The following PKP3 variants were observed in gnomAD, a reference collection of about 807,000 sequenced individuals.
PKP3 encodes plakophilin 3, also known as plakophilin-3.
PKP3 carries 66 observed loss-of-function variants against 76.5 expected under a neutral mutation model. The observed-to-expected ratio is 0.86, with a 90% CI of 0.71 to 1.06. The LOEUF (loss-of-function observed/expected upper bound fraction) is 1.06, where lower values mean the gene tolerates loss of function less well. PKP3 is among the 50% of genes least tolerant of loss of function. The pLI, the probability that PKP3 is intolerant of heterozygous loss-of-function variation, is 0.00. For missense variants in PKP3, 1,338 were observed against 1,141.0 expected (o/e 1.17, Z -2.49); for synonymous variants, 638 against 516.5 (o/e 1.24, Z -3.19).
In PKP3 at chr11:403,180, C is replaced by T. The variant is rs1847186168; in HGVS notation, c.1840C>T (p.Leu614=). 6.3e-7 allele frequency: 1 copy of T among 1,589,244 alleles called. No homozygotes were observed. Among genetic ancestry groups the T allele is most frequent in the African/African-American group, 1.4e-5 (1 of 74,002 alleles). Residue 614 remains leucine (L), a synonymous_variant, in exon 9 of 13, where the codon CTG becomes TTG. Transcript: ENST00000331563. ...SPQIVGLYNR[L]LQRCELNRHT... ...CCAGATCGTGGGGCTGTACAACCGG[C>T]TGCTGCAGCGCTGCGAGCTCAACCG...
intron 9 of PKP3, 42 bp downstream of exon 9, chr11:403,305 A>T (rs545293829): frequency 2.0e-5 from 27 of 1,368,910 alleles, no homozygotes; most frequent in Non-Finnish European, 2.4e-5. Flanking sequence ...CCAGGGGTTC[A>T]TGCGGTTGAG....
In PKP3 at chr11:404,170, A is replaced by G; in HGVS notation, c.2270+35A>G. On this transcript the variant is annotated intron_variant, in intron 11 of 12. Transcript: ENST00000331563. This position sits in a 1 kb window ranked among gnomAD's most constrained non-coding sequence, Gnocchi z 4.2. ...GACCCAGCCGTGCAGCAGCCTGGTC[A>G]GGGGTCCTCCCAGTCCACCCTGCTT... 1 of 1,607,702 alleles carries G rather than the reference A, an allele frequency of 6.2e-7. No individual in the cohort carries two copies. Among genetic ancestry groups the G allele is most frequent in the Non-Finnish European group, 8.5e-7 (1 of 1,176,064 alleles).
rs72848723 is a variant in PKP3, at chr11:403,725, C to T, written c.2031C>T (p.Gly677=). The change falls in exon 10 of 13, where the codon GGC becomes GGT. Residue 677 remains glycine (G), a synonymous_variant. Transcript: ENST00000331563. ...ADHHQLRSLT[G]LIRNLSRNAR... ...ACCACCAGCTGCGCTCACTGACTGG[C>T]CTCATCCGAAACCTGTCTCGGAACG... The T allele has an allele frequency of 0.015, 24,893 of 1,609,786 alleles. 251 individuals are homozygous for T. Among genetic ancestry groups the T allele is most frequent in the South Asian group, 0.018 (1,600 of 91,084 alleles).
intron 9 of PKP3, 100 bp from the exon 10 acceptor site, chr11:403,516 CCT>C (rs1847194149): frequency 2.5e-6 from 3 of 1,221,132 alleles, no homozygotes; most frequent in African/African-American, 3.0e-5. Flanking sequence ...CAGAGGCCCC[CCT>C]GAGGGTGGCG....
chr11:404,714 C>T lies in PKP3; in HGVS notation c.*145C>T, dbSNP rs986026392. 1 of 695,246 alleles carries T rather than the reference C, an allele frequency of 1.4e-6. No homozygotes were observed. Among genetic ancestry groups the T allele is most frequent in the African/African-American group, 1.8e-5 (1 of 55,476 alleles). The allele number at this position is 695,246 out of a possible 1,614,324, so 43.1% of individuals were successfully genotyped here. A position where few individuals can be genotyped will look rare whatever the true frequency, so the allele number is the denominator to read the frequency against. On this transcript the variant is annotated 3_prime_UTR_variant, in exon 13 of 13. Transcript: ENST00000331563. This position sits in a 1 kb window ranked among gnomAD's most constrained non-coding sequence, Gnocchi z 4.2. Reference sequence around the variant, plus strand: ...GGCCCCTGTGTGCATCTTTGAGGGTCCTGGGCCACCAGGAGGGGCAGGGTC... The same window carrying T: ...GGCCCCTGTGTGCATCTTTGAGGGTTCTGGGCCACCAGGAGGGGCAGGGTC...
chr11:396,940 G>C lies in PKP3; in HGVS notation c.439G>C (p.Gly147Arg), dbSNP rs1380078346. The change falls in exon 3 of 13, where the codon GGG becomes CGG. Residue 147 changes from glycine to arginine, a missense_variant. Gly to Arg is a moderately radical substitution (Grantham distance 125). Coordinates refer to ENST00000331563, the MANE Select transcript of PKP3 (RefSeq NM_007183.4). ...CGGGGGCAGCGCCTTTGGGGCCGCT[G>C]GGTACGGGGGTGCCCAGCCCACCCC... Reference protein sequence around the residue: ...HNGGSAFGAAGYGGAQPTPPM... With the variant: ...HNGGSAFGAARYGGAQPTPPM... 2.5e-6 allele frequency: 4 copies of C among 1,595,130 alleles called. No homozygotes were observed. The Admixed American group carries it at 6.8e-5, about 27-fold the overall frequency.
rs1311876730 is a variant in PKP3 at position 398,026 on chromosome 11, C to T, written c.1068+364C>T. ...ACCTCCATACCCCCACACACACCTG[C>T]GTCACCTCCGTACCCCCGCACACAC... On this transcript the variant is annotated intron_variant, in intron 4 of 12. Transcript: ENST00000331563. Among the ~76,000 whole-genome samples, 6 of 107,728 alleles carry T rather than the reference C, an allele frequency of 5.6e-5. 1 individual carries two copies. The highest frequency in any genetic ancestry group is 5.5e-5 in the Non-Finnish European group (3 of 54,318). The allele number at this position is 107,728 out of a possible 152,430, so 70.7% of individuals were successfully genotyped here.
In PKP3 at chr11:404,399, G is replaced by A. The variant is rs374451468; in HGVS notation, c.2358+76G>A. ...ACGCCGGGGGAGGGTCAGTGAAGAG[G>A]CCCATGGGAGGATGGAGACCAGGGA... On this transcript the variant is annotated intron_variant, in intron 12 of 12. Transcript: ENST00000331563. The surrounding 1 kb of genome is among the most constrained non-coding windows in gnomAD (Gnocchi z 4.2). 468 of 1,472,602 alleles carry A rather than the reference G, an allele frequency of 3.2e-4. 7 individuals carry two copies. In the East Asian group the frequency reaches 6.5e-3, roughly 20 times the overall value. The allele number at this position is 1,472,602 out of a possible 1,614,324, so 91.2% of individuals were successfully genotyped here. A position where few individuals can be genotyped will look rare whatever the true frequency, so the allele number is the denominator to read the frequency against.
Position 403,605 on chromosome 11 carries a change from T to C in PKP3, c.1924-13T>C, listed in dbSNP as rs1168110219. The C allele has an allele frequency of 6.3e-6, 10 of 1,599,420 alleles. No individual in the cohort carries two copies. The highest frequency in any genetic ancestry group is 5.1e-6 in the Non-Finnish European group (6 of 1,178,090). On this transcript the variant is annotated splice_polypyrimidine_tract_variant and intron_variant, in intron 9 of 12. Transcript: ENST00000331563. ...GGCCTCCGGGTCACGGCTCACACCC[T>C]CCCTCCCCACAGTGGGCGGGGGTGC...
chr11:403,394 G>C, intron 9 of PKP3, 131 bp downstream of exon 9: 1 of 874,880 alleles, frequency 1.1e-6, no homozygotes, highest in Non-Finnish European at 1.7e-6. Context: ...TCAGCGTCCC[G>C]GTGGCGCAGG....
At chr11:400,229 C>T (rs1483522202) in intron 6 of PKP3, 88 bp downstream of exon 6, 64 of 1,407,058 alleles carry the variant, frequency 4.5e-5, no homozygotes, top group Middle Eastern at 2.5e-4. Flanking sequence ...AGCCCACACA[C>T]CGCACGCCTC....
chr11:403,193 G>A lies in PKP3; in HGVS notation c.1853G>A (p.Cys618Tyr). ...VGLYNRLLQR[C>Y]ELNRHTTEAA... ...CTGTACAACCGGCTGCTGCAGCGCT[G>A]CGAGCTCAACCGGCACACGACGGAG... The change falls in exon 9 of 13, where the codon TGC becomes TAC. Residue 618 changes from cysteine to tyrosine, a missense_variant. Transcript: ENST00000331563. 2 of 1,590,598 alleles carry A rather than the reference G, an allele frequency of 1.3e-6. No homozygotes were observed. Among genetic ancestry groups the A allele is most frequent in the Non-Finnish European group, 1.7e-6 (2 of 1,170,524 alleles).
intron 1 of PKP3, among the ~76,000 whole-genome samples, chr11:395,373 A>AG (rs967028015): frequency 6.6e-6 from 1 of 152,146 alleles, no homozygotes; most frequent in Non-Finnish European, 1.5e-5. Context: ...GCCACTGGCC[A>AG]GGGGGAAGTG....
rs372151717 is a variant in PKP3, at chr11:398,849, C to T, written c.1069-143C>T. 244 of 678,062 alleles carry T rather than the reference C, an allele frequency of 3.6e-4. 2 individuals are homozygous for T. Among genetic ancestry groups the T allele is most frequent in the African/African-American group, 3.4e-3 (185 of 54,864 alleles). 42.0% of individuals were successfully genotyped at this position (678,062 alleles called of 1,614,324 possible). A position where few individuals can be genotyped will look rare whatever the true frequency, so the allele number is the denominator to read the frequency against. ...GCACACACCTCCGTCACCTCCCTACCGCCGCACACACCTCCGTCACCTCCC... is the reference window on the plus strand; with the variant it reads ...GCACACACCTCCGTCACCTCCCTACTGCCGCACACACCTCCGTCACCTCCC... On this transcript the variant is annotated intron_variant, in intron 4 of 12. Coordinates refer to ENST00000331563, the MANE Select transcript of PKP3 (RefSeq NM_007183.4).
At chr11:403,487 TGG>T in intron 9 of PKP3, 129 bp from the exon 10 acceptor site, 1 of 942,648 alleles carries the variant, frequency 1.1e-6, no homozygotes, top group Non-Finnish European at 1.6e-6. Context: ...TCCCCCCGGC[TGG>T]GGGGCAAAGG....
Position 400,455 on chromosome 11 carries a change from A to C in PKP3, c.1566+4A>C. The C allele has an allele frequency of 1.3e-6, 2 of 1,541,032 alleles. No individual in the cohort carries two copies. Among genetic ancestry groups the C allele is most frequent in the Non-Finnish European group, 1.7e-6 (2 of 1,142,942 alleles). On this transcript the variant is annotated splice_donor_region_variant and intron_variant, in intron 7 of 12. Coordinates refer to ENST00000331563, the MANE Select transcript of PKP3 (RefSeq NM_007183.4). ...CGCGGGCAAATGCGAGGACAAGGTGAGGGGCGCGGTGTGGAGGAGGGGCCG... is the reference window on the plus strand; with the variant it reads ...CGCGGGCAAATGCGAGGACAAGGTGCGGGGCGCGGTGTGGAGGAGGGGCCG...
At chr11:398,776 C>CCGTCACCTCCGTACCCCCGCACACACCTG (rs1564879890) in intron 4 of PKP3, among the ~76,000 whole-genome samples, 1 of 68,352 alleles carries the variant, frequency 1.5e-5, no homozygotes, top group East Asian at 5.1e-4. Flanking sequence ...GCACACACCT[C>CCGTCACCTCCGTACCCCCGCACACACCTG]CGTCACCTCC....
chr11:404,378 C>CG lies in PKP3; in HGVS notation c.2358+60dup, dbSNP rs770941039. Reference sequence around the variant, plus strand: ...GACCCGGGTGCAGGGCATGGGACGCCGGGGGAGGGTCAGTGAAGAGGCCCA... The same window carrying CG: ...GACCCGGGTGCAGGGCATGGGACGCCGGGGGGAGGGTCAGTGAAGAGGCCCA... On this transcript the variant is annotated intron_variant, in intron 12 of 12. Transcript: ENST00000331563. This position sits in a 1 kb window ranked among gnomAD's most constrained non-coding sequence, Gnocchi z 4.2. The CG allele has an allele frequency of 3.4e-5, 52 of 1,531,850 alleles. No homozygotes were observed. The South Asian group carries it at 5.5e-4, about 16-fold the overall frequency. 94.9% of individuals were successfully genotyped at this position (1,531,850 alleles called of 1,614,324 possible).
chr11:400,330 C>A lies in PKP3; in HGVS notation c.1449-4C>A, dbSNP rs1236353380. On this transcript the variant is annotated splice_polypyrimidine_tract_variant and splice_region_variant and intron_variant, in intron 6 of 12. Transcript: ENST00000331563. Reference sequence around the variant, plus strand: ...GGGGGGCTCTGATCCACCTCGGTCCCCAGGAACCTCAGCTCAGCCTCTCAG... The same window carrying A: ...GGGGGGCTCTGATCCACCTCGGTCCACAGGAACCTCAGCTCAGCCTCTCAG... The A allele has an allele frequency of 3.9e-6, 6 of 1,547,276 alleles. No individual in the cohort carries two copies. Among genetic ancestry groups the A allele is most frequent in the Non-Finnish European group, 4.4e-6 (5 of 1,145,066 alleles).
Sources: allele counts gnomAD v4.1 joint callset (sites outside exome capture counted in the v4.1 genomes callset), GRCh38; gene constraint gnomAD v4.1.1; non-coding constraint Gnocchi (gnomAD v3.1); transcripts MANE v1.5; gene names NCBI Gene and HGNC (gene_info 2026-07-23, HGNC 2026-07-21).